AATF: variants seen among roughly 807,000 people sequenced by gnomAD.
AATF encodes the protein protein AATF.
A neutral mutation model predicts 63.7 loss-of-function variants in AATF; 48 were observed. The ratio of observed to expected loss-of-function variants is 0.75; its 90% CI spans 0.60 to 0.96. The LOEUF (loss-of-function observed/expected upper bound fraction) is 0.96, where lower values mean the gene tolerates loss of function less well. Ranked by LOEUF, AATF falls within the 40% of genes least tolerant of loss-of-function variation. The pLI is 0.00. For missense variants in AATF, 639 were observed against 685.7 expected (o/e 0.93, Z 0.76); for synonymous variants, 258 against 247.7 (o/e 1.04, Z -0.39).
intron 4 of AATF, among the ~76,000 whole-genome samples, chr17:36,970,536 T>TTC (rs1567968847): frequency 3.1e-5 from 3 of 95,492 alleles, no homozygotes; most frequent in African/African-American, 1.2e-4. Flanking sequence ...CTTTCTTTCT[T>TTC]TTTTCTTTTT....
intron 8 of AATF, among the ~76,000 whole-genome samples, chr17:37,009,823 CAAAAAAAAAAAA>C (rs1160362372): frequency 6.3e-4 from 18 of 28,776 alleles, no homozygotes; most frequent in Admixed American, 1.8e-3. Context: ...GACTCCGTCT[CAAAAAAAAAAAA>C]AAAAAAAAAA....
chr17:37,043,974 C>T (rs147820520), intron 11 of AATF, among the ~76,000 whole-genome samples: 152 of 152,284 alleles, frequency 1.0e-3, no homozygotes, highest in Non-Finnish European at 2.0e-3. Context: ...CTGTGTATTA[C>T]GCCACTGTCC....
intron 10 of AATF, among the ~76,000 whole-genome samples, chr17:37,027,299 G>A (rs939358929): frequency 1.3e-5 from 2 of 151,972 alleles, no homozygotes; most frequent in African/African-American, 4.8e-5. Flanking sequence ...GTCTTACTGT[G>A]TTGGTCTGTT....
At chr17:36,981,436 T>C (rs565496345) in intron 4 of AATF, among the ~76,000 whole-genome samples, 153 of 151,498 alleles carry the variant, frequency 1.0e-3, no homozygotes, top group Non-Finnish European at 1.6e-3. Flanking sequence ...TCTTGTTCTT[T>C]TAACTTTTCT....
At chr17:37,026,659 G>A (rs934092767) in intron 10 of AATF, among the ~76,000 whole-genome samples, 4 of 152,216 alleles carry the variant, frequency 2.6e-5, no homozygotes, top group Non-Finnish European at 5.9e-5. Flanking sequence ...GACTAAATGA[G>A]CTAATTCATG....
At chr17:37,032,355 T>G (rs2071558160) in intron 11 of AATF, among the ~76,000 whole-genome samples, 1 of 152,218 alleles carries the variant, frequency 6.6e-6, no homozygotes, top group African/African-American at 2.4e-5. Flanking sequence ...TTGTCCCAGA[T>G]AGTGGAAGTG....
chr17:37,006,714 T>C (rs1401402141), intron 8 of AATF, among the ~76,000 whole-genome samples: 1 of 152,274 alleles, frequency 6.6e-6, no homozygotes. Context: ...GAAAGTTTTC[T>C]GTGTTGACTA....
intron 10 of AATF, among the ~76,000 whole-genome samples, chr17:37,024,166 C>G (rs1454111336): frequency 1.3e-5 from 2 of 152,172 alleles, no homozygotes; most frequent in African/African-American, 4.8e-5. Context: ...ATGGCAGACC[C>G]TAGCCGACTG....
intron 4 of AATF, among the ~76,000 whole-genome samples, chr17:36,985,470 C>T (rs1346361555): frequency 6.8e-6 from 1 of 147,054 alleles, no homozygotes; most frequent in East Asian, 2.0e-4. Context: ...TTGGTTAGAG[C>T]CGGGGTCTCA....
At chr17:36,966,589 T>C (rs2070993277) in intron 4 of AATF, among the ~76,000 whole-genome samples, 1 of 152,126 alleles carries the variant, frequency 6.6e-6, no homozygotes, top group African/African-American at 2.4e-5. Flanking sequence ...TTTTAAATCA[T>C]ATTTTTAATC....
chr17:36,997,407 T>C (rs781438772), intron 8 of AATF, among the ~76,000 whole-genome samples: 3 of 152,004 alleles, frequency 2.0e-5, no homozygotes, highest in Non-Finnish European at 4.4e-5. Flanking sequence ...CATCAAAAAG[T>C]GGGCTAAGGA....
intron 8 of AATF, among the ~76,000 whole-genome samples, chr17:37,000,914 C>T (rs556254955): frequency 3.3e-5 from 5 of 152,086 alleles, no homozygotes; most frequent in South Asian, 2.1e-4. Context: ...ATCATACCAC[C>T]GCACTCCAGC....
At chr17:36,975,313 C>T (rs2142230355) in intron 4 of AATF, among the ~76,000 whole-genome samples, 1 of 152,032 alleles carries the variant, frequency 6.6e-6, no homozygotes, top group Non-Finnish European at 1.5e-5. Flanking sequence ...AAGTAAATTA[C>T]AATCATGCCA....
At chr17:36,988,077 G>A (rs1374409527) in intron 5 of AATF, among the ~76,000 whole-genome samples, 1 of 152,192 alleles carries the variant, frequency 6.6e-6, no homozygotes, top group Admixed American at 6.5e-5. Context: ...ACTTTGGGAG[G>A]CCGAGGCAGG....
intron 11 of AATF, among the ~76,000 whole-genome samples, chr17:37,037,012 T>C (rs12945992): frequency 6.7e-6 from 1 of 148,202 alleles, no homozygotes; most frequent in South Asian, 2.1e-4. Context: ...ATCTTTTTGT[T>C]TTTTTTTTTT....
At chr17:37,049,890 A>C (rs1000505591) in intron 11 of AATF, among the ~76,000 whole-genome samples, 1 of 152,138 alleles carries the variant, frequency 6.6e-6, no homozygotes, top group African/African-American at 2.4e-5. Context: ...AGAGAGAAGT[A>C]TGTGTTCAGA....
At chr17:37,032,506 C>T (rs1444755648) in intron 11 of AATF, among the ~76,000 whole-genome samples, 4 of 152,160 alleles carry the variant, frequency 2.6e-5, no homozygotes, top group East Asian at 1.9e-4. Flanking sequence ...CTTGAAGGAG[C>T]CCTGGCTCTG....
intron 8 of AATF, among the ~76,000 whole-genome samples, chr17:37,008,974 T>G (rs1437033674): frequency 2.6e-5 from 4 of 152,168 alleles, no homozygotes; most frequent in Non-Finnish European, 4.4e-5. Flanking sequence ...GTGGGGAGTA[T>G]AGAGGAAGCA....
intron 8 of AATF, among the ~76,000 whole-genome samples, chr17:37,013,362 T>C (rs1406530834): frequency 6.6e-6 from 1 of 152,208 alleles, no homozygotes; most frequent in East Asian, 1.9e-4. Context: ...TGTTCTGCAT[T>C]GCTATGAAGG....
Sources: gnomAD v4.1 joint callset for allele counts (sites outside exome capture counted in the v4.1 genomes callset) on GRCh38, gnomAD v4.1.1 for gene constraint, MANE v1.5 for transcripts, NCBI Gene and HGNC (gene_info 2026-07-23, HGNC 2026-07-21) for gene names.